TEF: variants seen among roughly 807,000 people sequenced by gnomAD.
TEF encodes the protein TEF transcription factor, PAR bZIP family member.
In TEF, 3 loss-of-function variants were observed where a neutral mutation model predicts 20.8. The observed-to-expected ratio is 0.14, with a 90% CI of 0.07 to 0.37. The LOEUF (loss-of-function observed/expected upper bound fraction) is 0.37, where lower values mean the gene tolerates loss of function less well. Among genes scored for constraint, TEF ranks in the 10% least tolerant of loss-of-function variants. The pLI is 1.00. For missense variants in TEF, 296 were observed against 397.9 expected (o/e 0.74, Z 2.18); for synonymous variants, 180 against 171.1 (o/e 1.05, Z -0.41).
At chr22:41,368,030 T>G (rs1290008795) in intron 1 of TEF, among the ~76,000 whole-genome samples, 1 of 152,152 alleles carries the variant, frequency 6.6e-6, no homozygotes, top group Admixed American at 6.5e-5. Context: ...GTGCGCCTGC[T>G]GCAGCTCCCG....
At chr22:41,374,076 T>C (rs2036912817) in intron 1 of TEF, among the ~76,000 whole-genome samples, 1 of 152,058 alleles carries the variant, frequency 6.6e-6, no homozygotes, top group Admixed American at 6.6e-5. Flanking sequence ...TACTGTATTC[T>C]TACAACAAAG....
chr22:41,393,773 CAAAAA>C (rs879096914), intron 2 of TEF, among the ~76,000 whole-genome samples: 3 of 60,308 alleles, frequency 5.0e-5, no homozygotes, highest in African/African-American at 1.7e-4. Flanking sequence ...ACTCCCATCT[CAAAAA>C]AAAAAAAAAA....
chr22:41,378,165 CTT>C (rs1227353344), upstream of TEF, among the ~76,000 whole-genome samples: 1 of 89,450 alleles, frequency 1.1e-5, no homozygotes. Context: ...CCTTAGCTTC[CTT>C]TTTTTTTTTT....
chr22:41,382,415 G>T (rs542288329), intron 1 of TEF, among the ~76,000 whole-genome samples: 1 of 152,114 alleles, frequency 6.6e-6, no homozygotes, highest in South Asian at 2.1e-4. Flanking sequence ...GCGGGAGAGG[G>T]TGGGGAGAGG....
At position 41,398,644 on chromosome 22, in the gene TEF, T is replaced by G. The variant is rs1291429624; in HGVS notation, c.*2684T>G. 1 of 153,050 alleles carries G rather than the reference T, an allele frequency of 6.5e-6. No homozygotes were observed. Among genetic ancestry groups the G allele is most frequent in the East Asian group, 1.9e-4 (1 of 5,200 alleles). 9.5% of individuals were successfully genotyped at this position (153,050 alleles called of 1,614,324 possible). ...CAACTTTGTGGAGGACCTGGGTAACTCTTACCCTTGGCCAAAGGAAGAGGT... is the reference window on the plus strand; with the variant it reads ...CAACTTTGTGGAGGACCTGGGTAACGCTTACCCTTGGCCAAAGGAAGAGGT... On this transcript the variant is annotated 3_prime_UTR_variant, in exon 4 of 4. Transcript: ENST00000266304.
upstream of TEF, among the ~76,000 whole-genome samples, chr22:41,381,227 G>C (rs1050699478): frequency 1.3e-5 from 2 of 152,240 alleles, no homozygotes; most frequent in Non-Finnish European, 2.9e-5. Flanking sequence ...GGGAGCAGAA[G>C]TGCGGGCTAA....
upstream of TEF, among the ~76,000 whole-genome samples, chr22:41,378,796 T>C (rs2036979098): frequency 2.0e-5 from 3 of 152,142 alleles, no homozygotes; most frequent in Non-Finnish European, 4.4e-5. Flanking sequence ...TCAGTTTCCT[T>C]GGAATGTCCT....
intron 1 of TEF, chr22:41,369,151 G>A (rs762697803): frequency 2.1e-5 from 21 of 985,234 alleles, no homozygotes; most frequent in Non-Finnish European, 2.5e-5. Context: ...GGGCGACTCG[G>A]GGCACTGCTC....
At chr22:41,395,029 CAG>C (rs200223438) in intron 3 of TEF, among the ~76,000 whole-genome samples, 5,365 of 152,146 alleles carry the variant, frequency 0.035, 304 homozygotes, top group African/African-American at 0.12. Flanking sequence ...GTTTTTGAGA[CAG>C]AGTCTCACTT....
intron 3 of TEF, 43 bp from the exon 4 acceptor site, chr22:41,395,702 C>G (rs763529065): frequency 1.3e-6 from 2 of 1,596,530 alleles, no homozygotes; most frequent in East Asian, 4.5e-5. Context: ...TGGGTTCTCT[C>G]GTGGGGAAAG....
At chr22:41,382,460 C>G (rs1332913648) in intron 1 of TEF, among the ~76,000 whole-genome samples, 1 of 151,714 alleles carries the variant, frequency 6.6e-6, no homozygotes, top group Non-Finnish European at 1.5e-5. Context: ...GGAGCAGTCA[C>G]TTAAATGACG....
chr22:41,378,176 T>C (rs1458868871), upstream of TEF, among the ~76,000 whole-genome samples: 2 of 145,706 alleles, frequency 1.4e-5, no homozygotes, highest in Non-Finnish European at 3.0e-5. Context: ...TTTTTTTTTT[T>C]TTTTTTTTTT....
At chr22:41,385,455 C>T (rs1283549884) in intron 1 of TEF, among the ~76,000 whole-genome samples, 1 of 152,084 alleles carries the variant, frequency 6.6e-6, no homozygotes, top group Non-Finnish European at 1.5e-5. Context: ...GGTTAAGTAA[C>T]ATGGCTAAGG....
intron 1 of TEF, among the ~76,000 whole-genome samples, chr22:41,374,425 A>G (rs1182885305): frequency 6.6e-6 from 1 of 151,784 alleles, no homozygotes; most frequent in African/African-American, 2.4e-5. Context: ...GGTGGCGGGC[A>G]CCTGTAGTCC....
intron 1 of TEF, chr22:41,369,119 G>A: frequency 1.0e-6 from 1 of 985,434 alleles, no homozygotes; most frequent in Non-Finnish European, 1.2e-6. Context: ...GAGGCTGCCA[G>A]TGGGGCAGGG....
chr22:41,395,909 C>A lies in TEF; in HGVS notation c.861C>A (p.Gly287=). The change falls in exon 4 of 4, where the codon GGC becomes GGA. Residue 287 remains glycine (G), a synonymous_variant. Transcript: ENST00000266304. Reference sequence around the variant, plus strand: ...TGGCCGAGCTACGCAAGGAGGTGGGCAAGTGCAAGACCATCGTGTCCAAGT... The same window carrying A: ...TGGCCGAGCTACGCAAGGAGGTGGGAAAGTGCAAGACCATCGTGTCCAAGT... ...TEVAELRKEV[G]KCKTIVSKYE... is the part of the protein sequence containing the mutation. 6.2e-7 allele frequency: 1 copy of A among 1,614,140 alleles called. No homozygotes were observed. Among genetic ancestry groups the A allele is most frequent in the Non-Finnish European group, 8.5e-7 (1 of 1,179,998 alleles).
intron 2 of TEF, among the ~76,000 whole-genome samples, 171 bp downstream of exon 2, chr22:41,387,839 G>A (rs1017074316): frequency 3.3e-5 from 5 of 152,058 alleles, no homozygotes; most frequent in Non-Finnish European, 4.4e-5. Context: ...ACAGTTCCCC[G>A]AGGCTGGAGA....
At chr22:41,381,071 G>A (rs2037010848), upstream of TEF, among the ~76,000 whole-genome samples, 1 of 152,202 alleles carries the variant, frequency 6.6e-6, no homozygotes, top group Admixed American at 6.5e-5. Context: ...CAGAGCTTCA[G>A]GAATGCTCCC....
At chr22:41,374,692 G>A (rs2036919821) in intron 1 of TEF, among the ~76,000 whole-genome samples, 1 of 151,532 alleles carries the variant, frequency 6.6e-6, no homozygotes, top group South Asian at 2.1e-4. Context: ...CTCCAGCCTG[G>A]GGGACAGAGC....
Sources: gnomAD v4.1 joint callset for allele counts (sites outside exome capture counted in the v4.1 genomes callset) on GRCh38, gnomAD v4.1.1 for gene constraint, MANE v1.5 for transcripts, NCBI Gene and HGNC (gene_info 2026-07-23, HGNC 2026-07-21) for gene names.